The following MESD variants were observed in gnomAD, a reference collection of about 807,000 sequenced individuals.
MESD encodes mesoderm development LRP chaperone, also known as LRP chaperone MESD.
In MESD, 7 loss-of-function variants were observed where a neutral mutation model predicts 12.9. The ratio of observed to expected loss-of-function variants is 0.54; its 90% confidence interval spans 0.31 to 1.02. The LOEUF is 1.02. MESD is among the 50% of genes least tolerant of loss of function. The pLI, the probability that MESD is intolerant of heterozygous loss-of-function variation, is 0.05. For synonymous variants in MESD, 126 were observed against 115.6 expected (o/e 1.09, Z -0.58); for missense variants, 342 against 296.7 (o/e 1.15, Z -1.12).
At chr15:80,966,698 T>C (rs1215530797) in intron 3 of MESD, among the ~76,000 whole-genome samples, 2 of 152,224 alleles carry the variant, frequency 1.3e-5, no homozygotes, top group African/African-American at 4.8e-5. Flanking sequence ...CTGGCCTCCC[T>C]TGGAAAATCC....
At chr15:80,974,077 G>A (rs887984526), downstream of MESD, among the ~76,000 whole-genome samples, 13 of 152,254 alleles carry the variant, frequency 8.5e-5, no homozygotes, top group African/African-American at 2.9e-4. Flanking sequence ...CCCCACTGGG[G>A]AGAAGAACCC....
At chr15:80,970,835 G>C (rs1902272256), downstream of MESD, among the ~76,000 whole-genome samples, 1 of 152,156 alleles carries the variant, frequency 6.6e-6, no homozygotes, top group Non-Finnish European at 1.5e-5. Context: ...GCAGTAGATG[G>C]AAAATGACTA....
intron 3 of MESD, among the ~76,000 whole-genome samples, chr15:80,964,740 C>A (rs538953054): frequency 6.6e-6 from 1 of 152,320 alleles, no homozygotes; most frequent in East Asian, 1.9e-4. Flanking sequence ...GCTGGGAAAA[C>A]TGGCTAGCCA....
intron 3 of MESD, among the ~76,000 whole-genome samples, chr15:80,968,673 G>GT (rs1342074255): frequency 6.6e-6 from 1 of 152,078 alleles, no homozygotes; most frequent in African/African-American, 2.4e-5. Context: ...AAAGAAAGCT[G>GT]TGTTAAGTGC....
intron 3 of MESD, among the ~76,000 whole-genome samples, chr15:80,957,929 C>A (rs1431837488): frequency 7.3e-6 from 1 of 136,924 alleles, no homozygotes; most frequent in Non-Finnish European, 1.5e-5. Flanking sequence ...TCTACCAATT[C>A]CAATGTCAAT....
exon 5 of MESD, chr15:80,947,721 G>A (rs572893650): frequency 6.5e-6 from 1 of 153,764 alleles, no homozygotes; most frequent in East Asian, 1.9e-4. Flanking sequence ...TAATGATAAT[G>A]ATCATTGTGG....
chr15:80,960,925 G>A (rs900526046), intron 3 of MESD, among the ~76,000 whole-genome samples: 1 of 152,166 alleles, frequency 6.6e-6, no homozygotes, highest in Admixed American at 6.5e-5. Context: ...AGATGGAAGG[G>A]AGGAAGGAAA....
At chr15:80,965,188 A>C (rs1338476247) in intron 3 of MESD, among the ~76,000 whole-genome samples, 1 of 152,258 alleles carries the variant, frequency 6.6e-6, no homozygotes, top group East Asian at 1.9e-4. Context: ...TTATGCAGCC[A>C]ACAGACATAT....
At chr15:80,959,620 A>G (rs1472701618) in intron 3 of MESD, among the ~76,000 whole-genome samples, 4 of 152,248 alleles carry the variant, frequency 2.6e-5, no homozygotes, top group Non-Finnish European at 5.9e-5. Flanking sequence ...GCCATAACGG[A>G]GAACACTTAC....
intron 3 of MESD, among the ~76,000 whole-genome samples, chr15:80,966,924 T>C (rs1280543514): frequency 6.6e-6 from 1 of 152,190 alleles, no homozygotes; most frequent in East Asian, 1.9e-4. Flanking sequence ...GTTAAATTCC[T>C]CTGGGAAATG....
At chr15:80,954,301 C>A (rs1245128885) in intron 3 of MESD, among the ~76,000 whole-genome samples, 1 of 152,216 alleles carries the variant, frequency 6.6e-6, no homozygotes, top group East Asian at 1.9e-4. Flanking sequence ...TTTCCCATAT[C>A]TGGCAGAGTT....
intron 3 of MESD, among the ~76,000 whole-genome samples, chr15:80,959,250 C>T (rs1902043154): frequency 1.3e-5 from 2 of 152,184 alleles, no homozygotes; most frequent in South Asian, 2.1e-4. Context: ...AGGTGCCTCT[C>T]GCCCAGAGAT....
At chr15:80,986,683 G>A (rs1486790775) in intron 1 of MESD, among the ~76,000 whole-genome samples, 1 of 152,108 alleles carries the variant, frequency 6.6e-6, no homozygotes. Context: ...GCAGAGCGGG[G>A]GGCCAGGGAC....
intron 1 of MESD, among the ~76,000 whole-genome samples, chr15:80,984,732 T>C (rs887174546): frequency 6.6e-6 from 1 of 152,126 alleles, no homozygotes; most frequent in Non-Finnish European, 1.5e-5. Context: ...CATGGGTAAA[T>C]TGCCTATGGC....
chr15:80,977,491 G>A lies in MESD; in HGVS notation c.*1728C>T, dbSNP rs975673993. ...GACAGATCTGCACATTCTGACATGG[G>A]AAGGCTCCTAAGTGGAAACAGAAGG... On this transcript the variant is annotated 3_prime_UTR_variant, in exon 3 of 3. Transcript: ENST00000261758. The A allele has an allele frequency of 9.8e-5, 15 of 152,424 alleles. No individual in the cohort carries two copies. Among genetic ancestry groups the A allele is most frequent in the African/African-American group, 3.6e-4 (15 of 41,574 alleles). The allele number at this position is 152,424 out of a possible 1,614,324, so 9.4% of individuals were successfully genotyped here. A position where few individuals can be genotyped will look rare whatever the true frequency, so the allele number is the denominator to read the frequency against.
chr15:80,981,919 T>G, intron 2 of MESD, 31 bp downstream of exon 2: 7 of 1,402,216 alleles, frequency 5.0e-6, no homozygotes, highest in Non-Finnish European at 7.1e-6. Flanking sequence ...GCACAGCCTA[T>G]GAGTCTCTCA....
exon 5 of MESD, chr15:80,948,731 G>A: frequency 6.2e-7 from 1 of 1,610,260 alleles, no homozygotes; most frequent in Non-Finnish European, 8.5e-7. Flanking sequence ...GGGGAGCCAT[G>A]GAACGGGGTG....
At chr15:80,985,485 T>C (rs1488954849) in intron 1 of MESD, among the ~76,000 whole-genome samples, 1 of 152,140 alleles carries the variant, frequency 6.6e-6, no homozygotes, top group Non-Finnish European at 1.5e-5. Flanking sequence ...AATTCACAAG[T>C]TGTTTCTGTC....
At chr15:80,964,537 G>A (rs1450330191) in intron 3 of MESD, among the ~76,000 whole-genome samples, 1 of 152,168 alleles carries the variant, frequency 6.6e-6, no homozygotes, top group African/African-American at 2.4e-5. Flanking sequence ...AACAAAGCTG[G>A]AGGCATCATG....
Sources: gnomAD v4.1 joint callset for allele counts (sites outside exome capture counted in the v4.1 genomes callset) on GRCh38, gnomAD v4.1.1 for gene constraint, MANE v1.5 for transcripts, NCBI Gene and HGNC (gene_info 2026-07-23, HGNC 2026-07-21) for gene names.